PARP16: variants seen among roughly 807,000 people sequenced by gnomAD.
PARP16 encodes protein mono-ADP-ribosyltransferase PARP16.
In PARP16, 31 loss-of-function variants were observed where a neutral mutation model predicts 35.0. That is an observed-to-expected ratio of 0.88 (90% CI 0.66 to 1.19). The LOEUF (loss-of-function observed/expected upper bound fraction) is 1.19. PARP16 is among the 50% of genes most tolerant of loss of function. The pLI, the probability that PARP16 is intolerant of heterozygous loss-of-function variation, is 0.00. For missense variants in PARP16, 424 were observed against 411.2 expected (o/e 1.03, Z -0.27); for synonymous variants, 162 against 169.5 (o/e 0.96, Z 0.34).
In PARP16 at chr15:65,283,596, G is replaced by C. The variant is rs1182062348; in HGVS notation, c.174+2657C>G. The stretch of plus-strand genomic sequence containing the variant: ...TACTCTTTCCCTCTTCTCTGCTCTT[G>C]AAGTTCTGCCTTGGGACTTGGCAAG... On this transcript the variant is annotated intron_variant, in intron 1 of 5. Coordinates refer to ENST00000649807, the MANE Select transcript of PARP16 (RefSeq NM_001316943.2). Among the ~76,000 whole-genome samples the C allele has an allele frequency of 2.0e-5, 3 of 152,126 alleles. No homozygotes were observed. The East Asian group carries it at 5.8e-4, about 29-fold the overall frequency.
intron 1 of PARP16, among the ~76,000 whole-genome samples, chr15:65,272,383 G>C (rs548236833): frequency 6.6e-6 from 1 of 152,212 alleles, no homozygotes; most frequent in Non-Finnish European, 1.5e-5. Flanking sequence ...AGGGACTGGG[G>C]ACTTGGACTA....
At position 65,259,499 on chromosome 15, in the gene PARP16, C is replaced by G. The variant is rs751000562; in HGVS notation, c.877G>C (p.Val293Leu). ...AGCAGCAGATACAGGGATATCATGA[C>G]GGTAAACCAATGGCTGGAAAACCAG... The part of the protein sequence containing the change: ...LSWFSSHWFT[V>L]MISLYLLLLL... Residue 293 changes from valine (V) to leucine (L), a missense_variant, in exon 6 of 6, where the codon GTC (valine) becomes CTC (leucine). Physicochemically the swap from Val to Leu is conservative, Grantham distance 32. Coordinates refer to ENST00000649807, the MANE Select transcript of PARP16 (RefSeq NM_001316943.2). The G allele has an allele frequency of 6.2e-7, 1 of 1,613,814 alleles. No individual in the cohort carries two copies. The highest frequency in any genetic ancestry group is 1.3e-5 in the African/African-American group (1 of 75,038).
intron 2 of PARP16, among the ~76,000 whole-genome samples, chr15:65,269,096 T>C (rs1301121138): frequency 6.6e-6 from 1 of 152,132 alleles, no homozygotes; most frequent in East Asian, 1.9e-4. Context: ...ATTTCCTCTC[T>C]ATAGTGGTTA....
chr15:65,250,847 G>A (rs531930508), intron 2 of PARP16, among the ~76,000 whole-genome samples: 8 of 152,234 alleles, frequency 5.3e-5, no homozygotes, highest in South Asian at 4.2e-4. Flanking sequence ...ACAGTGGCGC[G>A]CGTGTGTGTG....
Position 65,286,499 on chromosome 15 carries a change from G to A in PARP16, c.-73C>T, listed in dbSNP as rs1345467304. The stretch of plus-strand genomic sequence containing the variant: ...GGGCGAGCGTGCGTTCAGCGCGGGG[G>A]CTGGGCCCGCGGACAATGGGCCGTC... On this transcript the variant is annotated 5_prime_UTR_variant, in exon 1 of 6. Coordinates refer to ENST00000649807, the MANE Select transcript of PARP16 (RefSeq NM_001316943.2). The A allele has an allele frequency of 3.3e-6, 4 of 1,217,198 alleles. No homozygotes were observed. The highest frequency in any genetic ancestry group is 4.3e-6 in the Non-Finnish European group (4 of 925,144). 75.4% of individuals were successfully genotyped at this position (1,217,198 alleles called of 1,614,324 possible). A position where few individuals can be genotyped will look rare whatever the true frequency, so the allele number is the denominator to read the frequency against.
rs1027374456 is a variant in PARP16 at position 65,260,918 on chromosome 15, T to C, written c.800A>G (p.Tyr267Cys). The stretch of plus-strand genomic sequence containing the variant: ...TGGCTTCTGTGAATACACCAGGAGG[T>C]ACTTCACTCGCAGCAGCTGGTTATT... Reference protein sequence around the residue: ...VTNNQLLRVKYLLVYSQKPPK... With the variant: ...VTNNQLLRVKCLLVYSQKPPK... The change falls in exon 5 of 6, where the codon TAC (tyrosine) becomes TGC (cysteine). Residue 267 changes from tyrosine to cysteine, a missense_variant. Physicochemically the swap from Tyr to Cys is radical, Grantham distance 194. Transcript: ENST00000649807. 1.2e-6 allele frequency: 2 copies of C among 1,613,878 alleles called. No individual in the cohort carries two copies. The highest frequency in any genetic ancestry group is 1.7e-6 in the Non-Finnish European group (2 of 1,179,892).
intron 3 of PARP16, among the ~76,000 whole-genome samples, chr15:65,243,585 G>A (rs1308063595): frequency 2.0e-5 from 3 of 152,162 alleles, no homozygotes; most frequent in Non-Finnish European, 4.4e-5. Context: ...ATCAGGGTAA[G>A]GCTGGCCTCA....
chr15:65,248,741 G>C (rs2089280518), intron 2 of PARP16, among the ~76,000 whole-genome samples: 3 of 152,146 alleles, frequency 2.0e-5, no homozygotes. Flanking sequence ...TCTGCGGCCA[G>C]AGGGGGTTCC....
At chr15:65,254,975 A>C (rs1350567124), downstream of PARP16, among the ~76,000 whole-genome samples, 2 of 152,156 alleles carry the variant, frequency 1.3e-5, no homozygotes, top group African/African-American at 4.8e-5. Flanking sequence ...GCATTTTCAG[A>C]AGCAAGGACC....
chr15:65,237,340 A>G (rs1335805933), intron 3 of PARP16, among the ~76,000 whole-genome samples: 2 of 152,170 alleles, frequency 1.3e-5, no homozygotes, highest in African/African-American at 4.8e-5. Context: ...CAGTGGGTGT[A>G]ATGGATTAAG....
intron 1 of PARP16, among the ~76,000 whole-genome samples, chr15:65,283,343 C>T (rs551828973): frequency 3.6e-4 from 55 of 152,142 alleles, no homozygotes; most frequent in Admixed American, 2.8e-3. Flanking sequence ...CCAAACAGGT[C>T]CCTCTCTCAC....
chr15:65,255,794 C>G (rs557213022), downstream of PARP16, among the ~76,000 whole-genome samples: 370 of 127,020 alleles, frequency 2.9e-3, 4 homozygotes, highest in African/African-American at 0.01. Flanking sequence ...AGGTTTGAAA[C>G]AAATGTTGCC....
chr15:65,269,512 T>C (rs891077227), intron 2 of PARP16, among the ~76,000 whole-genome samples: 2 of 152,150 alleles, frequency 1.3e-5, no homozygotes, highest in Admixed American at 1.3e-4. Flanking sequence ...TTTCAAATAG[T>C]AGGTCACAGA....
At chr15:65,247,181 A>G (rs2089231320) in intron 3 of PARP16, among the ~76,000 whole-genome samples, 1 of 152,150 alleles carries the variant, frequency 6.6e-6, no homozygotes, top group East Asian at 1.9e-4. Flanking sequence ...TGTTGTAGAG[A>G]CAGGGGTCTG....
intron 1 of PARP16, among the ~76,000 whole-genome samples, chr15:65,275,216 G>A (rs2090215675): frequency 6.6e-6 from 1 of 152,188 alleles, no homozygotes; most frequent in Admixed American, 6.5e-5. Flanking sequence ...GGAAAAGGGG[G>A]TGGGGTTGGG....
chr15:65,271,573 C>T (rs2090096264), intron 1 of PARP16, among the ~76,000 whole-genome samples: 1 of 152,054 alleles, frequency 6.6e-6, no homozygotes, highest in Non-Finnish European at 1.5e-5. Context: ...CCATGCCCAG[C>T]CTTGGTGGTT....
At chr15:65,244,600 G>A (rs2140747679) in intron 3 of PARP16, among the ~76,000 whole-genome samples, 1 of 152,332 alleles carries the variant, frequency 6.6e-6, no homozygotes, top group Admixed American at 6.5e-5. Flanking sequence ...GGAATTATGG[G>A]AATTACAATT....
intron 1 of PARP16, among the ~76,000 whole-genome samples, chr15:65,279,111 G>A (rs1241856956): frequency 6.6e-6 from 1 of 152,138 alleles, no homozygotes; most frequent in African/African-American, 2.4e-5. Context: ...AGGAAGTAGG[G>A]GTTCTCCTAG....
intron 2 of PARP16, among the ~76,000 whole-genome samples, chr15:65,250,844 C>A (rs1166389621): frequency 6.6e-6 from 1 of 152,080 alleles, no homozygotes; most frequent in African/African-American, 2.4e-5. Context: ...AACACAGTGG[C>A]GCGCGTGTGT....
Sources: allele counts gnomAD v4.1 joint callset (sites outside exome capture counted in the v4.1 genomes callset), GRCh38; gene constraint gnomAD v4.1.1; transcripts MANE v1.5; gene names NCBI Gene and HGNC (gene_info 2026-07-23, HGNC 2026-07-21).